TNR: variants seen among roughly 807,000 people sequenced by gnomAD.
The protein encoded by TNR is tenascin-R.
A neutral mutation model predicts 150.4 loss-of-function variants in TNR; 45 were observed. That is an observed-to-expected ratio of 0.30 (90% CI 0.24 to 0.38). The LOEUF is 0.38. Ranked by LOEUF, TNR falls within the 10% of genes least tolerant of loss-of-function variation. The pLI, the probability that TNR is intolerant of heterozygous loss-of-function variation, is 1.00. For synonymous variants in TNR, 687 were observed against 678.4 expected, an observed-to-expected ratio of 1.01 and a Z score of -0.20; for missense variants, 1,544 against 1,759.1, an observed-to-expected ratio of 0.88 and a Z score of 2.19.
intron 9 of TNR, among the ~76,000 whole-genome samples, chr1:175,376,879 T>TATATAC (rs36055169): frequency 0.3 from 43,674 of 146,230 alleles, 7,114 homozygotes; most frequent in East Asian, 0.57. Flanking sequence ...TATATATATA[T>TATATAC]ACACATATAT....
At chr1:175,557,115 G>A (rs1375605678) in intron 1 of TNR, among the ~76,000 whole-genome samples, 1 of 152,136 alleles carries the variant, frequency 6.6e-6, no homozygotes, top group Non-Finnish European at 1.5e-5. Context: ...AAGAATCTGA[G>A]GCCTTCAGCC....
At chr1:175,449,096 T>C in intron 2 of TNR, among the ~76,000 whole-genome samples, 1 of 152,336 alleles carries the variant, frequency 6.6e-6, no homozygotes, top group East Asian at 1.9e-4. Flanking sequence ...CTGCAAAGAC[T>C]CTGAACTGTC....
chr1:175,430,247 T>C (rs2102070020), intron 2 of TNR, among the ~76,000 whole-genome samples: 1 of 152,214 alleles, frequency 6.6e-6, no homozygotes, highest in Admixed American at 6.5e-5. Context: ...GCTTAGAGCC[T>C]GAGGAAGTTA....
In TNR at chr1:175,393,818, A is replaced by G. The variant is rs1055937377; in HGVS notation, c.1318T>C (p.Phe440Leu). 2 of 1,614,236 alleles carry G rather than the reference A, an allele frequency of 1.2e-6. No homozygotes were observed. The highest frequency in any genetic ancestry group is 1.7e-6 in the Non-Finnish European group (2 of 1,180,026). ...TVEVQWEPFS[F>L]SFDGWEISFI... ...CTGATTTCCCACCCATCGAAGGAAA[A>G]TGAGAAGGGCTCCCACTGCACCTCC... The change falls in exon 6 of 23, where the codon TTT becomes CTT. Residue 440 changes from phenylalanine (F) to leucine (L), a missense_variant. Transcript: ENST00000367674.
intron 1 of TNR, among the ~76,000 whole-genome samples, chr1:175,707,776 C>T (rs942724964): frequency 7.2e-5 from 11 of 152,188 alleles, no homozygotes; most frequent in Non-Finnish European, 1.3e-4. Context: ...TCTCCTGAGG[C>T]ACTCAGCAAA....
intron 1 of TNR, among the ~76,000 whole-genome samples, chr1:175,677,552 G>C (rs989679535): frequency 3.3e-5 from 5 of 152,168 alleles, no homozygotes; most frequent in African/African-American, 4.8e-5. Flanking sequence ...CAACATTGCA[G>C]GCCTTTCTCT....
At chr1:175,591,726 A>G (rs1323018063) in intron 1 of TNR, among the ~76,000 whole-genome samples, 2 of 152,256 alleles carry the variant, frequency 1.3e-5, no homozygotes, top group Admixed American at 1.3e-4. Flanking sequence ...GGCCAGTAAC[A>G]GGGCTGTTGA....
At position 175,506,081 on chromosome 1, in the gene TNR, A is replaced by G. The variant is rs1298335945; in HGVS notation, c.-64+22188T>C. Among the ~76,000 whole-genome samples the G allele has an allele frequency of 5.3e-5, 8 of 152,312 alleles. No homozygotes were observed. In the South Asian group the frequency reaches 1.2e-3, roughly 24 times the overall value. On this transcript the variant is annotated intron_variant, in intron 2 of 22. Transcript: ENST00000367674. ...ATGGATTCTATAAATGATGAGCACA[A>G]TAATTACCTACCAGGTGAGGTGGGA...
chr1:175,388,635 T>C (rs950337576), intron 7 of TNR, among the ~76,000 whole-genome samples: 2 of 152,208 alleles, frequency 1.3e-5, no homozygotes, highest in African/African-American at 4.8e-5. Flanking sequence ...CAATGTTCCA[T>C]TCCAATCAAG....
In TNR at chr1:175,334,124, A is replaced by G. The variant is rs555363779; in HGVS notation, c.3631+1587T>C. Among the ~76,000 whole-genome samples the G allele has an allele frequency of 2.0e-5, 3 of 152,250 alleles. No individual in the cohort carries two copies. The East Asian group carries it at 5.8e-4, about 29-fold the overall frequency. On this transcript the variant is annotated intron_variant, in intron 20 of 22. Transcript: ENST00000367674. Reference sequence around the variant, plus strand: ...TTACAAAGGGGATTAGCCATCGCCCATATTTGGGGTGTGAGGAAGATCATT... The same window carrying G: ...TTACAAAGGGGATTAGCCATCGCCCGTATTTGGGGTGTGAGGAAGATCATT...
At chr1:175,457,324 A>C (rs570665503) in intron 2 of TNR, among the ~76,000 whole-genome samples, 2 of 152,204 alleles carry the variant, frequency 1.3e-5, no homozygotes, top group African/African-American at 2.4e-5. Flanking sequence ...CCATTCCAAT[A>C]GACAGCGCCC....
chr1:175,722,639 G>GT (rs1480108787), intron 1 of TNR, among the ~76,000 whole-genome samples: 1 of 151,622 alleles, frequency 6.6e-6, no homozygotes, highest in Non-Finnish European at 1.5e-5. Flanking sequence ...TAATCTTTGC[G>GT]TTTTTTATAG....
chr1:175,389,053 C>T (rs895433863), intron 7 of TNR, among the ~76,000 whole-genome samples: 3 of 152,190 alleles, frequency 2.0e-5, no homozygotes, highest in Non-Finnish European at 4.4e-5. Context: ...TATCAAATCA[C>T]AGGAATAACT....
intron 1 of TNR, among the ~76,000 whole-genome samples, chr1:175,713,018 C>G (rs1667060072): frequency 6.6e-6 from 1 of 152,070 alleles, no homozygotes; most frequent in African/African-American, 2.4e-5. Flanking sequence ...AGATGGGGAG[C>G]ACAGGAGAAG....
At chr1:175,710,399 G>A (rs896932634) in intron 1 of TNR, among the ~76,000 whole-genome samples, 1 of 152,248 alleles carries the variant, frequency 6.6e-6, no homozygotes, top group Admixed American at 6.5e-5. Context: ...TGGGCATGAG[G>A]TCCCTGTGAG....
In TNR at chr1:175,598,578, G is replaced by A. The variant is rs548348721; in HGVS notation, c.-164-70209C>T. On this transcript the variant is annotated intron_variant, in intron 1 of 22. Transcript: ENST00000367674. ...TGTACAGTATGCTGTATAAACAGAA[G>A]GCATGCGTGAAATGGCATGGTGACT... 4.6e-5 allele frequency among the ~76,000 whole-genome samples: 7 copies of A among 152,346 alleles called. No individual in the cohort carries two copies. The East Asian group carries it at 1.2e-3, about 25-fold the overall frequency.
chr1:175,710,977 C>T lies in TNR; in HGVS notation c.-165+32249G>A, dbSNP rs548275229. On this transcript the variant is annotated intron_variant, in intron 1 of 22. Coordinates refer to ENST00000367674, the MANE Select transcript of TNR (RefSeq NM_003285.3). ...TGTGCTCCCCATCAAAGGTGATATACGGCACCTCCTCCACTTCTACACCTC... is the reference window on the plus strand; with the variant it reads ...TGTGCTCCCCATCAAAGGTGATATATGGCACCTCCTCCACTTCTACACCTC... Among the ~76,000 whole-genome samples the T allele has an allele frequency of 1.1e-4, 16 of 151,162 alleles. No homozygotes were observed. In the South Asian group the frequency reaches 1.5e-3, roughly 14 times the overall value.
At chr1:175,543,299 A>G (rs1184298246) in intron 1 of TNR, among the ~76,000 whole-genome samples, 2 of 152,194 alleles carry the variant, frequency 1.3e-5, no homozygotes, top group Non-Finnish European at 2.9e-5. Flanking sequence ...GCAGCTGCAG[A>G]GGAGCCATTT....
intron 1 of TNR, among the ~76,000 whole-genome samples, chr1:175,563,680 C>T (rs1243962503): frequency 6.6e-6 from 1 of 152,190 alleles, no homozygotes; most frequent in Non-Finnish European, 1.5e-5. Context: ...ATTCATTCCT[C>T]GCTTTTGGCA....
Sources: allele counts gnomAD v4.1 joint callset (sites outside exome capture counted in the v4.1 genomes callset), GRCh38; gene constraint gnomAD v4.1.1; transcripts MANE v1.5; gene names NCBI Gene and HGNC (gene_info 2026-07-23, HGNC 2026-07-21).